The following MCF2L2 variants were observed in gnomAD, a reference collection of about 807,000 sequenced individuals.
The protein encoded by MCF2L2 is MCF.2 cell line derived transforming sequence-like 2, also known as probable guanine nucleotide exchange factor MCF2L2.
In MCF2L2, 102 loss-of-function variants were observed where a neutral mutation model predicts 150.2. The observed-to-expected ratio is 0.68, with a 90% CI of 0.58 to 0.80. The LOEUF (loss-of-function observed/expected upper bound fraction) is 0.80, where lower values mean the gene tolerates loss of function less well. Among genes scored for constraint, MCF2L2 ranks in the 30% least tolerant of loss-of-function variants. The probability of loss-of-function intolerance (pLI) is 0.00; values close to 1 mark genes in which losing one functional copy is unlikely to be tolerated. For missense variants in MCF2L2, 1,256 were observed against 1,372.8 expected (o/e 0.91, Z 1.34); for synonymous variants, 465 against 491.3 (o/e 0.95, Z 0.71).
rs140054778 is a variant in MCF2L2, at chr3:183,396,741, T to A, written c.77-6962A>T. Among the ~76,000 whole-genome samples the A allele has an allele frequency of 3.5e-3, 531 of 152,268 alleles. 3 individuals carry two copies. Among genetic ancestry groups the A allele is most frequent in the African/African-American group, 0.012 (496 of 41,524 alleles). Reference sequence around the variant, plus strand: ...CTGTGGACAAAACAATAATAATAATTATTATTATTGTATATTCAGTATACA... The same window carrying A: ...CTGTGGACAAAACAATAATAATAATAATTATTATTGTATATTCAGTATACA... On this transcript the variant is annotated intron_variant, in intron 1 of 29. Transcript: ENST00000328913.
intron 13 of MCF2L2, among the ~76,000 whole-genome samples, chr3:183,289,499 C>T (rs151114437): frequency 6.6e-6 from 1 of 152,264 alleles, no homozygotes; most frequent in Admixed American, 6.5e-5. Flanking sequence ...CAAATCTGTA[C>T]ATATAGCAAT....
intron 3 of MCF2L2, among the ~76,000 whole-genome samples, chr3:183,364,370 A>G (rs537271522): frequency 2.0e-5 from 3 of 152,054 alleles, no homozygotes; most frequent in South Asian, 2.1e-4. Flanking sequence ...CAAAAAAAAA[A>G]TTAGCTGGGC....
At chr3:183,352,014 T>A (rs1711517677) in intron 3 of MCF2L2, among the ~76,000 whole-genome samples, 2 of 152,200 alleles carry the variant, frequency 1.3e-5, no homozygotes, top group Admixed American at 6.5e-5. Context: ...ATCATTTTTA[T>A]AGGGTTTGGA....
chr3:183,427,103 GT>G (rs1457957283), intron 1 of MCF2L2, among the ~76,000 whole-genome samples: 12 of 152,184 alleles, frequency 7.9e-5, no homozygotes, highest in Non-Finnish European at 1.8e-4. Flanking sequence ...GATAATTCCA[GT>G]TGCCCACATC....
chr3:183,329,739 A>G (rs1216760401), intron 5 of MCF2L2, among the ~76,000 whole-genome samples: 1 of 152,248 alleles, frequency 6.6e-6, no homozygotes, highest in Non-Finnish European at 1.5e-5. Flanking sequence ...CAATTCTGAG[A>G]AAATCGCCAT....
rs60969680 is a variant in MCF2L2 at position 183,203,527 on chromosome 3, T to C, written c.2884+2349A>G. On this transcript the variant is annotated intron_variant, in intron 25 of 29. Coordinates refer to ENST00000328913, the MANE Select transcript of MCF2L2 (RefSeq NM_015078.4). ...AGAACTCAGAAATAGGTCAATTGAA[T>C]CTATCCAGTCTGAGGAAGAGAAAGA... 2.8e-3 allele frequency among the ~76,000 whole-genome samples: 420 copies of C among 152,186 alleles called. 2 individuals carry two copies. The highest frequency in any genetic ancestry group is 9.9e-3 in the African/African-American group (411 of 41,528).
chr3:183,310,521 G>A (rs1367583310), intron 9 of MCF2L2: 1 of 269,684 alleles, frequency 3.7e-6, no homozygotes, highest in Non-Finnish European at 7.4e-6. Context: ...ATTACCGGGT[G>A]TGATGGTGGG....
Position 183,389,724 on chromosome 3 carries a change from T to A in MCF2L2, c.132A>T (p.Gln44His), listed in dbSNP as rs1560053256. 2 of 1,614,176 alleles carry A rather than the reference T, an allele frequency of 1.2e-6. No individual in the cohort carries two copies. The highest frequency in any genetic ancestry group is 2.7e-5 in the African/African-American group (2 of 75,052). Residue 44 changes from glutamine (Q) to histidine (H), a missense_variant, in exon 2 of 30, where the codon CAA becomes CAT. Coordinates refer to ENST00000328913, the MANE Select transcript of MCF2L2 (RefSeq NM_015078.4). Reference protein sequence around the residue: ...RPLMAVEIIEQLHRQFAILSG... With the variant: ...RPLMAVEIIEHLHRQFAILSG... ...AAAGAATGGCAAATTGTCTGTGAAGTTGTTCTATTATCTCCACCGCCATCA... is the reference window on the plus strand; with the variant it reads ...AAAGAATGGCAAATTGTCTGTGAAGATGTTCTATTATCTCCACCGCCATCA...
In MCF2L2 at chr3:183,428,052, AG is replaced by A. The variant is rs201065401; in HGVS notation, c.-76del. On this transcript the variant is annotated 5_prime_UTR_variant, in exon 1 of 30. An upstream open reading frame in the 5' UTR gains an earlier in-frame stop. Coordinates refer to ENST00000328913, the MANE Select transcript of MCF2L2 (RefSeq NM_015078.4). The surrounding 1 kb of genome is among the most constrained non-coding windows in gnomAD (Gnocchi z 5.1). ...ACCGCTGCGGTGGATGATTTTTTAA[AG>A]GCATCTCCGCCCAAGGATGCTCTGC... The A allele has an allele frequency of 5.1e-3, 5,800 of 1,148,226 alleles. 236 individuals carry two copies. In the African/African-American group the frequency reaches 0.077, roughly 15 times the overall value. 71.1% of individuals were successfully genotyped at this position (1,148,226 alleles called of 1,614,324 possible).
intron 10 of MCF2L2, among the ~76,000 whole-genome samples, chr3:183,308,388 T>C (rs1729205320): frequency 6.6e-6 from 1 of 152,174 alleles, no homozygotes; most frequent in Non-Finnish European, 1.5e-5. Flanking sequence ...TAAAATGATA[T>C]AAGGTTGGGG....
intron 3 of MCF2L2, among the ~76,000 whole-genome samples, chr3:183,350,076 C>G (rs1731052176): frequency 6.6e-6 from 1 of 152,156 alleles, no homozygotes; most frequent in Non-Finnish European, 1.5e-5. Flanking sequence ...TTCCTCAGAA[C>G]AAGACTCCTC....
intron 6 of MCF2L2, among the ~76,000 whole-genome samples, chr3:183,321,420 A>G (rs1331056653): frequency 6.7e-6 from 1 of 150,198 alleles, no homozygotes. Flanking sequence ...TCTGGGTGAT[A>G]GAGCAAGACT....
chr3:183,261,472 A>G (rs1725577789), intron 15 of MCF2L2, among the ~76,000 whole-genome samples: 1 of 152,194 alleles, frequency 6.6e-6, no homozygotes, highest in South Asian at 2.1e-4. Flanking sequence ...AAAAGTTTAA[A>G]TGTAAAAGAT....
chr3:183,216,545 A>T (rs1238290870), intron 21 of MCF2L2, among the ~76,000 whole-genome samples: 63 of 128,894 alleles, frequency 4.9e-4, no homozygotes, highest in African/African-American at 1.7e-3. Flanking sequence ...AAATATAAGT[A>T]TATATATTAT....
intron 1 of MCF2L2, among the ~76,000 whole-genome samples, chr3:183,413,783 C>T (rs1032474117): frequency 2.0e-5 from 3 of 152,166 alleles, no homozygotes; most frequent in Non-Finnish European, 2.9e-5. Context: ...ATTCCTTTCT[C>T]GGCTGTCCTT....
intron 3 of MCF2L2, among the ~76,000 whole-genome samples, chr3:183,346,585 A>G (rs1342514323): frequency 1.3e-5 from 2 of 152,334 alleles, no homozygotes; most frequent in African/African-American, 4.8e-5. Flanking sequence ...AGAATGAAAT[A>G]AAGGGTATTC....
chr3:183,339,978 G>A (rs1730633653), intron 4 of MCF2L2, among the ~76,000 whole-genome samples: 1 of 152,170 alleles, frequency 6.6e-6, no homozygotes, highest in Non-Finnish European at 1.5e-5. Flanking sequence ...CATGTATTAT[G>A]TATGGACCCT....
chr3:183,191,111 G>A (rs1158131462), intron 27 of MCF2L2, among the ~76,000 whole-genome samples: 1 of 151,916 alleles, frequency 6.6e-6, no homozygotes, highest in East Asian at 1.9e-4. Context: ...CCTGACCTCA[G>A]GTGATCCGCC....
chr3:183,198,647 TTAA>T, intron 25 of MCF2L2, among the ~76,000 whole-genome samples: 1 of 152,218 alleles, frequency 6.6e-6, no homozygotes, highest in African/African-American at 2.4e-5. Flanking sequence ...CCTAGAAACC[TTAA>T]TAAGCTAAAA....
Sources: gnomAD v4.1 joint callset for allele counts (sites outside exome capture counted in the v4.1 genomes callset) on GRCh38, gnomAD v4.1.1 for gene constraint, Gnocchi (gnomAD v3.1) non-coding constraint, MANE v1.5 for transcripts, NCBI Gene and HGNC (gene_info 2026-07-23, HGNC 2026-07-21) for gene names.